The following LTBP1 variants were observed in gnomAD, a reference collection of about 807,000 sequenced individuals.
LTBP1 encodes latent-transforming growth factor beta-binding protein 1.
Under a neutral mutation model 207.6 loss-of-function variants are expected in LTBP1, and 129 were observed. The ratio of observed to expected loss-of-function variants is 0.62; its 90% CI spans 0.54 to 0.72. LTBP1 has a LOEUF of 0.72. Ranked by LOEUF, LTBP1 falls within the 30% of genes least tolerant of loss-of-function variation. LTBP1 has a pLI of 0.00. For synonymous variants in LTBP1, 963 were observed against 833.7 expected, an observed-to-expected ratio of 1.16 and a Z score of -2.67; for missense variants, 2,281 against 2,217.2, an observed-to-expected ratio of 1.03 and a Z score of -0.58.
chr2:33,354,683 T>TACACACACACAC lies in LTBP1; in HGVS notation c.4001-5879_4001-5868dup, dbSNP rs71409608. On this transcript the variant is annotated intron_variant, in intron 26 of 33. Transcript: ENST00000404816. ...CAATCAAAGTGACAAACTAAAACTA[T>TACACACACACAC]ACACACACACACACACACACACACA... is the stretch of plus-strand genomic sequence containing the variant. Among the ~76,000 whole-genome samples the TACACACACACAC allele has an allele frequency of 1.2e-3, 168 of 139,758 alleles. 2 individuals are homozygous for TACACACACACAC. Among genetic ancestry groups the TACACACACACAC allele is most frequent in the African/African-American group, 4.0e-3 (151 of 38,060 alleles). The allele number at this position is 139,758 out of a possible 152,430, so 91.7% of individuals were successfully genotyped here.
intron 5 of LTBP1, among the ~76,000 whole-genome samples, chr2:33,154,040 T>A (rs1460464561): frequency 6.6e-6 from 1 of 152,214 alleles, no homozygotes; most frequent in African/African-American, 2.4e-5. Flanking sequence ...GTTCTTTGCT[T>A]TTGCAACCCC....
At position 33,207,098 on chromosome 2, in the gene LTBP1, G is replaced by A. The variant is rs117058791; in HGVS notation, c.1702-10454G>A. Among the ~76,000 whole-genome samples the A allele has an allele frequency of 1.6e-3, 240 of 152,284 alleles. 5 individuals carry two copies. In the East Asian group the frequency reaches 0.042, roughly 26 times the overall value. On this transcript the variant is annotated intron_variant, in intron 7 of 33. Coordinates refer to ENST00000404816, the MANE Select transcript of LTBP1 (RefSeq NM_206943.4). ...TGGAAGAAGACTTGACTGTTGAAAT[G>A]TTCAAATCATTGTAGAGGTGGAGAA...
intron 19 of LTBP1, among the ~76,000 whole-genome samples, chr2:33,283,427 C>CT (rs763384851): frequency 0.03 from 2,090 of 68,924 alleles, 398 homozygotes; most frequent in Non-Finnish European, 0.034. Context: ...ACATTAAAGA[C>CT]TTTTTTTTTT....
chr2:33,318,637 C>G (rs1319651857), intron 24 of LTBP1, among the ~76,000 whole-genome samples: 1 of 152,116 alleles, frequency 6.6e-6, no homozygotes, highest in African/African-American at 2.4e-5. Context: ...GAACAGGACT[C>G]TTCTGATTGA....
At chr2:32,964,692 C>G (rs1317363841) in intron 2 of LTBP1, among the ~76,000 whole-genome samples, 1 of 151,660 alleles carries the variant, frequency 6.6e-6, no homozygotes, top group African/African-American at 2.4e-5. Flanking sequence ...TGAAGAATTA[C>G]CTAAATACTA....
At chr2:33,150,614 T>C (rs1234346600) in intron 5 of LTBP1, among the ~76,000 whole-genome samples, 1 of 151,918 alleles carries the variant, frequency 6.6e-6, no homozygotes, top group African/African-American at 2.4e-5. Context: ...TTTCTGTCTC[T>C]ATGAATTTGA....
At chr2:33,381,042 T>C (rs2095208183) in intron 31 of LTBP1, among the ~76,000 whole-genome samples, 1 of 152,212 alleles carries the variant, frequency 6.6e-6, no homozygotes, top group Non-Finnish European at 1.5e-5. Flanking sequence ...GTAGATCAGT[T>C]TGGAAATTTA....
At chr2:33,149,132 G>A (rs191966594) in intron 5 of LTBP1, among the ~76,000 whole-genome samples, 3 of 150,794 alleles carry the variant, frequency 2.0e-5, no homozygotes, top group East Asian at 2.0e-4. Flanking sequence ...GGAGAATGGC[G>A]TGAACCCGGG....
At chr2:33,020,878 C>G (rs752584088) in intron 2 of LTBP1, 31 bp from the exon 3 acceptor site, 2 of 1,538,842 alleles carry the variant, frequency 1.3e-6, no homozygotes, top group Non-Finnish European at 1.8e-6. Flanking sequence ...TGTTGTTCTT[C>G]AAAGCTGTGC....
chr2:33,069,617 T>G (rs1306668242), intron 3 of LTBP1, among the ~76,000 whole-genome samples: 1 of 152,202 alleles, frequency 6.6e-6, no homozygotes, highest in African/African-American at 2.4e-5. Context: ...TTCTCAAGCC[T>G]CATAGACTCA....
At chr2:33,047,196 T>C (rs1017785826) in intron 3 of LTBP1, among the ~76,000 whole-genome samples, 1 of 152,334 alleles carries the variant, frequency 6.6e-6, no homozygotes, top group East Asian at 1.9e-4. Context: ...ATTCTTTTAA[T>C]TGTGATGTTA....
In LTBP1 at chr2:33,236,891, T is replaced by A. The variant is rs183744952; in HGVS notation, c.1877-6771T>A. On this transcript the variant is annotated intron_variant, in intron 9 of 33. Transcript: ENST00000404816. ...CAAGCTGTTCTCTGGGCTCTGATAATTCCTTTATCATGTTACCCCGAAGAC... is the reference window on the plus strand; with the variant it reads ...CAAGCTGTTCTCTGGGCTCTGATAAATCCTTTATCATGTTACCCCGAAGAC... Among the ~76,000 whole-genome samples the A allele has an allele frequency of 1.8e-3, 270 of 152,310 alleles. 1 individual carries two copies. Among genetic ancestry groups the A allele is most frequent in the East Asian group, 4.8e-3 (25 of 5,184 alleles).
chr2:33,341,729 A>AAAAATATATATATAT lies in LTBP1; in HGVS notation c.3731-1108_3731-1107insAAATATATATATATA, dbSNP rs745445793. On this transcript the variant is annotated intron_variant, in intron 24 of 33. Coordinates refer to ENST00000404816, the MANE Select transcript of LTBP1 (RefSeq NM_206943.4). ...CCGTCTCACTCAAAAAAAAAAAAAA[A>AAAAATATATATATAT]ATATATATATATATATGTATATTTA... 4.6e-3 allele frequency among the ~76,000 whole-genome samples: 428 copies of AAAAATATATATATAT among 93,540 alleles called. 3 individuals carry two copies. Among genetic ancestry groups the AAAAATATATATATAT allele is most frequent in the Middle Eastern group, 5.8e-3 (1 of 172 alleles). The allele number at this position is 93,540 out of a possible 152,430, so 61.4% of individuals were successfully genotyped here.
At chr2:33,055,109 C>G (rs2076926232) in intron 3 of LTBP1, among the ~76,000 whole-genome samples, 1 of 152,092 alleles carries the variant, frequency 6.6e-6, no homozygotes, top group South Asian at 2.1e-4. Flanking sequence ...CTCGCTTTTC[C>G]TTTTGGGCCT....
chr2:33,068,376 C>G (rs2077622756), intron 3 of LTBP1, among the ~76,000 whole-genome samples: 1 of 152,022 alleles, frequency 6.6e-6, no homozygotes, highest in African/African-American at 2.4e-5. Flanking sequence ...ACAGCTTCTT[C>G]CATTATCTAT....
chr2:33,020,929 C>G lies in LTBP1; in HGVS notation c.586C>G (p.Gln196Glu), dbSNP rs536761995. The change falls in exon 3 of 34, where the codon CAG becomes GAG. Residue 196 changes from glutamine (Q) to glutamate (E), a missense_variant. This residue lies in a region of LTBP1 where 555 missense variants were observed against 491.0 expected (regional missense o/e 1.13). Transcript: ENST00000404816. ...CTKPSCVPPCQNGGMCLRPQL... is the reference protein window; with the variant it reads ...CTKPSCVPPCENGGMCLRPQL... The stretch of plus-strand genomic sequence containing the variant: ...TGCAGCTAGCTGTGTTCCGCCATGT[C>G]AGAATGGAGGGATGTGTCTCCGGCC... The G allele has an allele frequency of 1.3e-6, 2 of 1,589,606 alleles. No individual in the cohort carries two copies. Among genetic ancestry groups the G allele is most frequent in the East Asian group, 4.5e-5 (2 of 44,280 alleles).
At chr2:33,245,511 T>A (rs532435185) in intron 10 of LTBP1, among the ~76,000 whole-genome samples, 1 of 152,358 alleles carries the variant, frequency 6.6e-6, no homozygotes, top group Admixed American at 6.5e-5. Context: ...TCCTCTTTTC[T>A]GTGTTCTTTT....
intron 32 of LTBP1, among the ~76,000 whole-genome samples, chr2:33,390,932 A>C (rs916142183): frequency 6.6e-6 from 1 of 152,168 alleles, no homozygotes; most frequent in Non-Finnish European, 1.5e-5. Flanking sequence ...TTCTGGGGCA[A>C]CAGCATGAGA....
intron 19 of LTBP1, among the ~76,000 whole-genome samples, chr2:33,283,206 A>T (rs1346415732): frequency 6.6e-6 from 1 of 152,026 alleles, no homozygotes; most frequent in South Asian, 2.1e-4. Flanking sequence ...GTGATGCATG[A>T]CGTGAAGAAA....
Sources: allele counts gnomAD v4.1 joint callset (sites outside exome capture counted in the v4.1 genomes callset), GRCh38; gene constraint gnomAD v4.1.1; regional missense constraint gnomAD v4.1.1; transcripts MANE v1.5; gene names NCBI Gene and HGNC (gene_info 2026-07-23, HGNC 2026-07-21).